Variants in MACROD2 observed in about 807,000 individuals in gnomAD.
The protein encoded by MACROD2 is ADP-ribose glycohydrolase MACROD2.
In MACROD2, 36 loss-of-function variants were observed where a neutral mutation model predicts 70.4. The ratio of observed to expected loss-of-function variants is 0.51; its 90% CI spans 0.39 to 0.68. The LOEUF (loss-of-function observed/expected upper bound fraction) is 0.68, where lower values mean the gene tolerates loss of function less well. Ranked by LOEUF, MACROD2 falls within the 30% of genes least tolerant of loss-of-function variation. The probability of loss-of-function intolerance (pLI) is 0.00; values close to 1 mark genes in which losing one functional copy is unlikely to be tolerated. For missense variants in MACROD2, 496 were observed against 538.4 expected, an observed-to-expected ratio of 0.92 and a Z score of 0.78; for synonymous variants, 172 against 178.8, an observed-to-expected ratio of 0.96 and a Z score of 0.30.
chr20:15,101,975 G>C (rs570317103), intron 5 of MACROD2, among the ~76,000 whole-genome samples: 3 of 151,912 alleles, frequency 2.0e-5, no homozygotes, highest in Admixed American at 2.0e-4. Context: ...AAGAGTCCTA[G>C]TAAAAATAAC....
Position 15,230,062 on chromosome 20 carries a change from G to T in MACROD2, c.540+1G>T. ...GAAAGAAAATAACATCCGATCAGTT[G>T]TAAGTAATTTTATGTTTTTTATTTC... On this transcript the variant is annotated splice_donor_variant, in intron 6 of 17. Transcript: ENST00000684519. LOFTEE classifies it high-confidence loss of function. 6.2e-7 allele frequency: 1 copy of T among 1,611,980 alleles called. No homozygotes were observed.
chr20:15,129,748 G>A (rs900269622), intron 5 of MACROD2, among the ~76,000 whole-genome samples: 33 of 152,042 alleles, frequency 2.2e-4, no homozygotes, highest in Non-Finnish European at 1.8e-4. Flanking sequence ...CGGAAAACAG[G>A]CTCTTGGTGT....
intron 5 of MACROD2, among the ~76,000 whole-genome samples, chr20:15,074,491 C>T (rs78657739): frequency 0.027 from 4,102 of 152,170 alleles, 68 homozygotes; most frequent in Middle Eastern, 0.045. Context: ...AAATTGCACC[C>T]GAGGAGGAGG....
chr20:15,744,017 C>T (rs887525627), intron 8 of MACROD2, among the ~76,000 whole-genome samples: 1 of 152,164 alleles, frequency 6.6e-6, no homozygotes, highest in Admixed American at 6.6e-5. Context: ...TTGACAACCC[C>T]CTTCTTTTCC....
intron 5 of MACROD2, among the ~76,000 whole-genome samples, chr20:15,016,589 T>G (rs1313501733): frequency 1.3e-5 from 2 of 152,120 alleles, no homozygotes; most frequent in Admixed American, 1.3e-4. Flanking sequence ...TAAAAGAGCC[T>G]GGCACGTCCC....
chr20:15,990,533 G>C (rs1003604619), intron 15 of MACROD2, among the ~76,000 whole-genome samples: 29 of 152,148 alleles, frequency 1.9e-4, no homozygotes, highest in Non-Finnish European at 4.3e-4. Flanking sequence ...ATTAATAAGT[G>C]TAGTGTGGAA....
At chr20:15,576,011 A>C (rs955350750) in intron 8 of MACROD2, among the ~76,000 whole-genome samples, 3 of 152,156 alleles carry the variant, frequency 2.0e-5, no homozygotes, top group Admixed American at 1.3e-4. Flanking sequence ...CTATTCATTC[A>C]ACTTATTGAT....
chr20:15,402,284 A>C (rs768364333), intron 6 of MACROD2, among the ~76,000 whole-genome samples: 1 of 152,212 alleles, frequency 6.6e-6, no homozygotes, highest in Non-Finnish European at 1.5e-5. Flanking sequence ...GGCAAGAGGA[A>C]GTTAAAAGAT....
At chr20:14,249,744 AT>A (rs943327445) in intron 3 of MACROD2, among the ~76,000 whole-genome samples, 8 of 152,092 alleles carry the variant, frequency 5.3e-5, no homozygotes, top group African/African-American at 7.2e-5. Context: ...CTTCAGAGTG[AT>A]TTTGAGCTAT....
chr20:14,426,140 A>G (rs1050916782), intron 3 of MACROD2, among the ~76,000 whole-genome samples: 3 of 152,072 alleles, frequency 2.0e-5, no homozygotes, highest in South Asian at 2.1e-4. Context: ...TCTAAATTAT[A>G]TCATTGATTT....
At chr20:14,863,604 T>A (rs1425367908) in intron 5 of MACROD2, among the ~76,000 whole-genome samples, 21 of 152,058 alleles carry the variant, frequency 1.4e-4, no homozygotes, top group Admixed American at 1.2e-3. Flanking sequence ...AATGTGAGTT[T>A]CCAAATTGTA....
At chr20:14,140,764 A>G (rs2054861260) in intron 3 of MACROD2, among the ~76,000 whole-genome samples, 1 of 152,128 alleles carries the variant, frequency 6.6e-6, no homozygotes, top group South Asian at 2.1e-4. Context: ...ATACTAAGGG[A>G]AAATGCACCT....
At chr20:15,780,382 A>G (rs1311853978) in intron 8 of MACROD2, among the ~76,000 whole-genome samples, 4 of 152,158 alleles carry the variant, frequency 2.6e-5, no homozygotes, top group Non-Finnish European at 4.4e-5. Flanking sequence ...AGGATGAGAC[A>G]GTAAAACCAT....
At chr20:15,905,637 G>T (rs1276942674) in intron 10 of MACROD2, among the ~76,000 whole-genome samples, 1 of 152,168 alleles carries the variant, frequency 6.6e-6, no homozygotes, top group Non-Finnish European at 1.5e-5. Context: ...CAGAGAAAGG[G>T]TTTATTTTGT....
At chr20:15,022,290 T>G (rs890638764) in intron 5 of MACROD2, among the ~76,000 whole-genome samples, 6 of 152,182 alleles carry the variant, frequency 3.9e-5, no homozygotes, top group African/African-American at 1.4e-4. Context: ...TTCCTACCAA[T>G]GTAGGCAACT....
At chr20:14,668,594 T>C (rs1299418479) in intron 4 of MACROD2, among the ~76,000 whole-genome samples, 2 of 152,184 alleles carry the variant, frequency 1.3e-5, no homozygotes, top group East Asian at 3.8e-4. Context: ...AGTTCTATAA[T>C]TAATTTTTCT....
chr20:14,077,894 CTTTTTTTT>C (rs58677755), intron 2 of MACROD2, among the ~76,000 whole-genome samples: 11 of 120,502 alleles, frequency 9.1e-5, no homozygotes, highest in East Asian at 7.1e-4. Context: ...AAAGGTTTTT[CTTTTTTTT>C]TTTTTTTTTT....
chr20:14,053,755 CTTAAATTTTATT>C (rs1273109989), intron 2 of MACROD2: 11 of 152,076 alleles, frequency 7.2e-5, no homozygotes, highest in African/African-American at 2.7e-4. Flanking sequence ...CGTGATGGAA[CTTAAATTTTATT>C]TTTTACACTT....
intron 8 of MACROD2, among the ~76,000 whole-genome samples, chr20:15,519,122 T>TTC (rs1568863536): frequency 1.4e-3 from 153 of 110,600 alleles, no homozygotes; most frequent in East Asian, 5.4e-3. Flanking sequence ...TTCCTTCCTT[T>TTC]CTTTCTTTCT....
Sources: allele counts gnomAD v4.1 joint callset (sites outside exome capture counted in the v4.1 genomes callset), GRCh38; gene constraint gnomAD v4.1.1; transcripts MANE v1.5; gene names NCBI Gene and HGNC (gene_info 2026-07-23, HGNC 2026-07-21).